The following ERG variants were observed in gnomAD, a reference collection of about 807,000 sequenced individuals.
ERG encodes the protein transcriptional regulator ERG.
Under a neutral mutation model 55.3 loss-of-function variants are expected in ERG, and 9 were observed. That is an observed-to-expected ratio of 0.16 (90% confidence interval 0.10 to 0.28). The LOEUF (loss-of-function observed/expected upper bound fraction) is 0.28, where lower values mean the gene tolerates loss of function less well. Among genes scored for constraint, ERG ranks in the 10% least tolerant of loss-of-function variants. The pLI, the probability that ERG is intolerant of heterozygous loss-of-function variation, is 1.00. For missense variants in ERG, 434 were observed against 631.6 expected (o/e 0.69, Z 3.35); for synonymous variants, 223 against 237.3 (o/e 0.94, Z 0.55).
chr21:38,614,392 A>G (rs76174799), intron 1 of ERG, among the ~76,000 whole-genome samples: 2,846 of 152,170 alleles, frequency 0.019, 38 homozygotes, highest in East Asian at 0.05. Flanking sequence ...CATGAGAGGG[A>G]GTTGTGGCCT....
At chr21:38,412,206 A>G (rs1018900849) in intron 3 of ERG, among the ~76,000 whole-genome samples, 27 of 152,078 alleles carry the variant, frequency 1.8e-4, no homozygotes, top group African/African-American at 6.3e-4. Context: ...TCTGATTTTT[A>G]CCATCTTATT....
At chr21:38,633,654 T>G (rs1039330723) in intron 1 of ERG, among the ~76,000 whole-genome samples, 5 of 152,324 alleles carry the variant, frequency 3.3e-5, no homozygotes, top group Admixed American at 3.3e-4. Context: ...ATTTTCTGTG[T>G]TTTCTGAGGC....
intron 1 of ERG, among the ~76,000 whole-genome samples, chr21:38,610,246 A>T (rs946917647): frequency 1.3e-5 from 2 of 152,230 alleles, no homozygotes; most frequent in Admixed American, 6.5e-5. Flanking sequence ...ATAAGAACTA[A>T]AATGTTTTCC....
intron 2 of ERG, among the ~76,000 whole-genome samples, chr21:38,563,460 TA>T (rs922504713): frequency 2.0e-5 from 3 of 152,228 alleles, no homozygotes; most frequent in Non-Finnish European, 4.4e-5. Flanking sequence ...AAAACTGCTC[TA>T]AAAAATAAAG....
chr21:38,373,991 T>C, the ERG span, among the ~76,000 whole-genome samples: 5 of 152,210 alleles, frequency 3.3e-5, no homozygotes. Flanking sequence ...TCCTCAAATG[T>C]TTAGATCATC....
Position 38,604,609 on chromosome 21 carries a change from T to C in ERG, c.-149-19664A>G, listed in dbSNP as rs576433505. ...CTACCAAAGCATAAACATTTATCTC[T>C]ACAGATATTACAGTATGCCTTTCCA... On this transcript the variant is annotated intron_variant, in intron 1 of 10. Transcript: ENST00000398910. 1.4e-3 allele frequency among the ~76,000 whole-genome samples: 216 copies of C among 152,366 alleles called. 1 individual carries two copies. The highest frequency in any genetic ancestry group is 2.3e-3 in the Non-Finnish European group (156 of 68,022).
intron 2 of ERG, among the ~76,000 whole-genome samples, chr21:38,540,834 A>G (rs1412152492): frequency 6.6e-6 from 1 of 152,176 alleles, no homozygotes; most frequent in East Asian, 1.9e-4. Context: ...GTATATGGAC[A>G]TTTTGGGGGT....
At chr21:38,430,575 A>G (rs1990156208) in intron 2 of ERG, among the ~76,000 whole-genome samples, 1 of 152,230 alleles carries the variant, frequency 6.6e-6, no homozygotes, top group African/African-American at 2.4e-5. Flanking sequence ...ACAAGAGTAA[A>G]CAGGAGCTGG....
chr21:38,594,551 C>T (rs530485657), intron 1 of ERG, among the ~76,000 whole-genome samples: 1 of 152,230 alleles, frequency 6.6e-6, no homozygotes, highest in Non-Finnish European at 1.5e-5. Flanking sequence ...AAAGAGCCCA[C>T]ATGCCTTGCA....
intron 1 of ERG, among the ~76,000 whole-genome samples, chr21:38,582,462 TA>T (rs56368140): frequency 0.081 from 12,354 of 152,242 alleles, 567 homozygotes; most frequent in South Asian, 0.13. Context: ...GAAACATGAA[TA>T]AAAAATTTGT....
At chr21:38,590,407 A>C (rs1446865795) in intron 1 of ERG, among the ~76,000 whole-genome samples, 1 of 152,214 alleles carries the variant, frequency 6.6e-6, no homozygotes, top group East Asian at 1.9e-4. Context: ...CGCTGCAGGG[A>C]AAGAGTCTTT....
intron 2 of ERG, among the ~76,000 whole-genome samples, chr21:38,566,877 A>G (rs553293731): frequency 6.6e-6 from 1 of 152,352 alleles, no homozygotes; most frequent in East Asian, 1.9e-4. Flanking sequence ...AGCTTTAGAT[A>G]CCAGGAATCT....
chr21:38,376,646 C>G (rs534886577), downstream of ERG, among the ~76,000 whole-genome samples: 3 of 152,356 alleles, frequency 2.0e-5, no homozygotes, highest in East Asian at 5.8e-4. Flanking sequence ...CAGGCCCTGC[C>G]GGACTTGAGA....
At chr21:38,593,660 C>T (rs1017012602) in intron 1 of ERG, among the ~76,000 whole-genome samples, 1 of 152,050 alleles carries the variant, frequency 6.6e-6, no homozygotes, top group Non-Finnish European at 1.5e-5. Context: ...TACATAATTA[C>T]TTCTGAGGTT....
At chr21:38,367,318 A>T in the ERG span, among the ~76,000 whole-genome samples, 1 of 152,216 alleles carries the variant, frequency 6.6e-6, no homozygotes, top group Non-Finnish European at 1.5e-5. Flanking sequence ...ATTATCTCAC[A>T]GTTTTGGTGG....
At chr21:38,656,182 C>T (rs1375391372) in intron 1 of ERG, among the ~76,000 whole-genome samples, 1 of 152,114 alleles carries the variant, frequency 6.6e-6, no homozygotes, top group Non-Finnish European at 1.5e-5. Context: ...AAGCTGGCAG[C>T]AGCCCCTACA....
chr21:38,516,448 AT>A (rs1480541201), intron 2 of ERG, among the ~76,000 whole-genome samples: 2 of 151,976 alleles, frequency 1.3e-5, no homozygotes, highest in African/African-American at 4.8e-5. Context: ...CAAAACACTA[AT>A]GAAAGAAATG....
intron 1 of ERG, among the ~76,000 whole-genome samples, chr21:38,480,698 G>C (rs568175966): frequency 7.1e-6 from 1 of 140,204 alleles, no homozygotes. Flanking sequence ...TGGCCAAATA[G>C]CCTGAAATTT....
chr21:38,445,788 G>A (rs901976443), intron 1 of ERG, among the ~76,000 whole-genome samples, 167 bp from the exon 2 acceptor site: 4 of 151,774 alleles, frequency 2.6e-5, no homozygotes, highest in Admixed American at 6.6e-5. Context: ...TTCTTTCCTC[G>A]GGACAGTAAG....
Sources: gnomAD v4.1 joint callset for allele counts (sites outside exome capture counted in the v4.1 genomes callset) on GRCh38, gnomAD v4.1.1 for gene constraint, MANE v1.5 for transcripts, NCBI Gene and HGNC (gene_info 2026-07-23, HGNC 2026-07-21) for gene names.